Variants in ALG1 observed in about 807,000 individuals in gnomAD.
The protein encoded by ALG1 is chitobiosyldiphosphodolichol beta-mannosyltransferase.
Under a neutral mutation model 55.1 loss-of-function variants are expected in ALG1, and 58 were observed. The observed-to-expected ratio is 1.05, with a 90% confidence interval of 0.85 to 1.31. The LOEUF (loss-of-function observed/expected upper bound fraction) is 1.31. Among genes scored for constraint, ALG1 ranks in the 50% most tolerant of loss-of-function variants. ALG1 has a pLI of 0.00. For missense variants in ALG1, 761 were observed against 598.6 expected (o/e 1.27, Z -2.83); for synonymous variants, 309 against 247.0 (o/e 1.25, Z -2.35).
intron 2 of ALG1, 54 bp downstream of exon 2, chr16:5,073,082 G>A: frequency 6.2e-7 from 1 of 1,611,148 alleles, no homozygotes; most frequent in Non-Finnish European, 8.5e-7. Context: ...GGGGCAGGGG[G>A]TGTTCGTTTG....
intron 6 of ALG1, 79 bp downstream of exon 6, chr16:5,078,096 A>T (rs1956947978): frequency 6.6e-7 from 1 of 1,507,194 alleles, no homozygotes; most frequent in Non-Finnish European, 9.1e-7. Flanking sequence ...CAGACCTGGG[A>T]ACCCACTCAT....
At chr16:5,073,104 A>C in intron 2 of ALG1, 49 bp from the exon 3 acceptor site, 9 of 1,612,418 alleles carry the variant, frequency 5.6e-6, no homozygotes, top group Non-Finnish European at 7.6e-6. Context: ...AAAGCCGTGC[A>C]GATTGCCAGA....
Position 5,087,346 on chromosome 16 carries a change from A to G in ALG1, c.*2465A>G, listed in dbSNP as rs1331945872. ...CCCCTATAGGTATACTTATGTGAAA[A>G]TGATTATTGTGATAAATTTTGTTTT... On this transcript the variant is annotated 3_prime_UTR_variant, in exon 13 of 13. Transcript: ENST00000262374. 2 of 152,200 alleles carry G rather than the reference A, an allele frequency of 1.3e-5. No homozygotes were observed. The highest frequency in any genetic ancestry group is 4.8e-5 in the African/African-American group (2 of 41,444). 9.4% of individuals were successfully genotyped at this position (152,200 alleles called of 1,614,324 possible).
chr16:5,072,494 G>C (rs903372823), intron 1 of ALG1, among the ~76,000 whole-genome samples: 1 of 152,164 alleles, frequency 6.6e-6, no homozygotes, highest in South Asian at 2.1e-4. Flanking sequence ...GCAGGGCAGC[G>C]GTGTCTGCTC....
chr16:5,075,016 T>C (rs1324035443), intron 3 of ALG1, among the ~76,000 whole-genome samples: 1 of 151,926 alleles, frequency 6.6e-6, no homozygotes, highest in Non-Finnish European at 1.5e-5. Context: ...TGATCCTACC[T>C]CCTCAGCCTC....
intron 3 of ALG1, 115 bp from the exon 4 acceptor site, chr16:5,075,273 C>G (rs1956889253): frequency 8.6e-7 from 1 of 1,159,662 alleles, no homozygotes; most frequent in African/African-American, 1.5e-5. Context: ...TGCTTATTAT[C>G]AAGAGCTCTG....
chr16:5,081,235 G>T (rs981071051), intron 10 of ALG1, among the ~76,000 whole-genome samples, 179 bp downstream of exon 10: 1 of 152,226 alleles, frequency 6.6e-6, no homozygotes, highest in Non-Finnish European at 1.5e-5. Flanking sequence ...GGCCCCAGGG[G>T]CCGTTTACCA....
rs371821907 is a variant in ALG1, at chr16:5,085,829, G to T, written c.*948G>T. On this transcript the variant is annotated 3_prime_UTR_variant, in exon 13 of 13. Coordinates refer to ENST00000262374, the MANE Select transcript of ALG1 (RefSeq NM_019109.5). ...GCTAGGACAGGCCTGGCGGGGTAGGGGGGTGTCCAAGTCAGTTTACTTGGT... is the reference window on the plus strand; with the variant it reads ...GCTAGGACAGGCCTGGCGGGGTAGGTGGGTGTCCAAGTCAGTTTACTTGGT... 2 of 968,554 alleles carry T rather than the reference G, an allele frequency of 2.1e-6. No homozygotes were observed. Among genetic ancestry groups the T allele is most frequent in the Non-Finnish European group, 3.4e-6 (2 of 596,174 alleles). 60.0% of individuals were successfully genotyped at this position (968,554 alleles called of 1,614,324 possible). A position where few individuals can be genotyped will look rare whatever the true frequency, so the allele number is the denominator to read the frequency against.
intron 4 of ALG1, among the ~76,000 whole-genome samples, chr16:5,077,074 C>T (rs545756673): frequency 1.1e-4 from 16 of 152,176 alleles, no homozygotes; most frequent in Admixed American, 5.2e-4. Context: ...CATGAGCCAC[C>T]GCGCCTGGCC....
At chr16:5,083,473 A>G (rs1478731337) in intron 11 of ALG1, among the ~76,000 whole-genome samples, 1 of 152,164 alleles carries the variant, frequency 6.6e-6, no homozygotes, top group Admixed American at 6.5e-5. Context: ...CTCCCTCCTC[A>G]AATGGGTGTG....
intron 10 of ALG1, among the ~76,000 whole-genome samples, chr16:5,081,686 G>A (rs1957019504): frequency 6.6e-6 from 1 of 152,072 alleles, no homozygotes; most frequent in Non-Finnish European, 1.5e-5. Context: ...AGCCTCCCGA[G>A]TAGATTACGG....
In ALG1 at chr16:5,071,948, G is replaced by A. The variant is rs1366357179; in HGVS notation, c.99G>A (p.Arg33=). 6.3e-7 allele frequency: 1 copy of A among 1,587,072 alleles called. No homozygotes were observed. The highest frequency in any genetic ancestry group is 8.6e-7 in the Non-Finnish European group (1 of 1,166,916). ...GCTGGCGCCGGGGGCGGGCGGCCCGGCATGTAGTAGCGGTGGTGCTGGGCG... is the reference window on the plus strand; with the variant it reads ...GCTGGCGCCGGGGGCGGGCGGCCCGACATGTAGTAGCGGTGGTGCTGGGCG... The part of the protein sequence containing the change: ...WKRWRRGRAA[R]HVVAVVLGDV... The change falls in exon 1 of 13, where the codon CGG becomes CGA. Residue 33 remains arginine, a synonymous_variant. Transcript: ENST00000262374.
In ALG1 at chr16:5,072,879, C is replaced by T. The variant is rs2291952; in HGVS notation, c.209-72C>T. The T allele has an allele frequency of 0.094, 128,144 of 1,357,728 alleles. 6,652 individuals carry two copies. The highest frequency in any genetic ancestry group is 0.15 in the Admixed American group (8,815 of 59,640). 84.1% of individuals were successfully genotyped at this position (1,357,728 alleles called of 1,614,324 possible). A position where few individuals can be genotyped will look rare whatever the true frequency, so the allele number is the denominator to read the frequency against. On this transcript the variant is annotated intron_variant, in intron 1 of 12. Transcript: ENST00000262374. ...TTCCAAAACACTGTCCGTGATTCAGCCTGAGTTGGGAGATTATCTGACTTT... is the reference window on the plus strand; with the variant it reads ...TTCCAAAACACTGTCCGTGATTCAGTCTGAGTTGGGAGATTATCTGACTTT...
chr16:5,081,793 C>G (rs1333116493), intron 10 of ALG1, among the ~76,000 whole-genome samples: 2 of 151,968 alleles, frequency 1.3e-5, no homozygotes, highest in Non-Finnish European at 2.9e-5. Context: ...AACTCCTGAC[C>G]TCAAGTGATC....
At chr16:5,072,371 C>T (rs558436618) in intron 1 of ALG1, 66 of 786,256 alleles carry the variant, frequency 8.4e-5, no homozygotes, top group Middle Eastern at 8.0e-4. Flanking sequence ...TGCAGCTACC[C>T]TTGTCAGGCT....
At chr16:5,080,842 G>A in intron 9 of ALG1, 104 bp from the exon 10 acceptor site, 1 of 1,474,260 alleles carries the variant, frequency 6.8e-7, no homozygotes. Flanking sequence ...GAGGGGTGGA[G>A]CTTCTGGGAA....
chr16:5,077,957 T>C lies in ALG1; in HGVS notation c.680T>C (p.Leu227Pro), dbSNP rs770522353. 1 of 1,605,798 alleles carries C rather than the reference T, an allele frequency of 6.2e-7. No homozygotes were observed. The highest frequency in any genetic ancestry group is 1.1e-5 in the South Asian group (1 of 90,996). ...GCATCTTTCTTTAAAGAGACACCTCTGGACCTGCAGCACCGGCTCTTCATG... is the reference window on the plus strand; with the variant it reads ...GCATCTTTCTTTAAAGAGACACCTCCGGACCTGCAGCACCGGCTCTTCATG... ...KPASFFKETP[L>P]DLQHRLFMKL... Residue 227 changes from leucine to proline, a missense_variant, in exon 6 of 13, where the codon CTG (leucine) becomes CCG (proline). Coordinates refer to ENST00000262374, the MANE Select transcript of ALG1 (RefSeq NM_019109.5).
At chr16:5,079,543 G>A (rs1345891325) in intron 8 of ALG1, among the ~76,000 whole-genome samples, 3 of 152,146 alleles carry the variant, frequency 2.0e-5, no homozygotes, top group African/African-American at 7.2e-5. Flanking sequence ...ACAAAAATTA[G>A]CTAGGTATGG....
intron 1 of ALG1, 32 bp from the exon 2 acceptor site, chr16:5,072,919 G>C (rs1236406687): frequency 6.3e-7 from 1 of 1,588,296 alleles, no homozygotes; most frequent in East Asian, 2.2e-5. Flanking sequence ...TGCTGCTTCT[G>C]GTACATTAAA....
Sources: allele counts gnomAD v4.1 joint callset (sites outside exome capture counted in the v4.1 genomes callset), GRCh38; gene constraint gnomAD v4.1.1; transcripts MANE v1.5; gene names NCBI Gene and HGNC (gene_info 2026-07-23, HGNC 2026-07-21).